The following ZCCHC24 variants were observed in gnomAD, a reference collection of about 807,000 sequenced individuals.
ZCCHC24 encodes the protein zinc finger CCHC domain-containing protein 24.
A neutral mutation model predicts 26.2 loss-of-function variants in ZCCHC24; 10 were observed. The ratio of observed to expected loss-of-function variants is 0.38; its 90% CI spans 0.24 to 0.65. ZCCHC24 has a LOEUF of 0.65. Ranked by LOEUF, ZCCHC24 falls within the 30% of genes least tolerant of loss-of-function variation. The pLI is 0.54. For synonymous variants in ZCCHC24, 144 were observed against 147.1 expected, an observed-to-expected ratio of 0.98 and a Z score of 0.15; for missense variants, 243 against 329.1, an observed-to-expected ratio of 0.74 and a Z score of 2.03.
intron 3 of ZCCHC24, among the ~76,000 whole-genome samples, chr10:79,391,585 A>C (rs1856479095): frequency 6.6e-6 from 1 of 151,826 alleles, no homozygotes; most frequent in South Asian, 2.1e-4. Context: ...GCCCCCATAC[A>C]TCTGAGGCCC....
At chr10:79,444,647 G>C (rs553629158) in intron 1 of ZCCHC24, among the ~76,000 whole-genome samples, 6 of 152,324 alleles carry the variant, frequency 3.9e-5, no homozygotes. Context: ...CCCCGAGTGA[G>C]AACAGCAGGA....
At chr10:79,396,364 A>G (rs1464101298) in intron 2 of ZCCHC24, among the ~76,000 whole-genome samples, 5 of 152,162 alleles carry the variant, frequency 3.3e-5, no homozygotes, top group Non-Finnish European at 7.3e-5. Flanking sequence ...TTACCCTAAT[A>G]TTTGCAAATG....
rs373110200 is a variant in ZCCHC24, at chr10:79,423,591, A to ATTTTATATATATACTATATATATATTT, written c.447+8966_447+8967insAAATATATATATAGTATATATATAAAA. Among the ~76,000 whole-genome samples, 5 of 49,656 alleles carry ATTTTATATATATACTATATATATATTT rather than the reference A, an allele frequency of 1.0e-4. 1 individual carries two copies. The highest frequency in any genetic ancestry group is 2.3e-4 in the Non-Finnish European group (5 of 21,752). 32.6% of individuals were successfully genotyped at this position (49,656 alleles called of 152,430 possible). On this transcript the variant is annotated intron_variant, in intron 2 of 3. Transcript: ENST00000372336. ...AACAAAATATATATACTATATATAT[A>ATTTTATATATATACTATATATATATTT]TATATATATATATATATATTTTCTG...
intron 3 of ZCCHC24, among the ~76,000 whole-genome samples, chr10:79,393,741 A>G (rs1288987083): frequency 2.6e-5 from 4 of 151,992 alleles, no homozygotes; most frequent in East Asian, 3.9e-4. Flanking sequence ...AAGTCCTTAC[A>G]GCCTCAGGGC....
chr10:79,434,979 A>T (rs1857195493), intron 1 of ZCCHC24, among the ~76,000 whole-genome samples: 1 of 151,928 alleles, frequency 6.6e-6, no homozygotes, highest in Non-Finnish European at 1.5e-5. Flanking sequence ...GCCTTGGAGC[A>T]CCTGGACTTC....
rs545326937 is a variant in ZCCHC24 at position 79,426,215 on chromosome 10, A to C, written c.447+6343T>G. On this transcript the variant is annotated intron_variant, in intron 2 of 3. Coordinates refer to ENST00000372336, the MANE Select transcript of ZCCHC24 (RefSeq NM_153367.4). ...GGCTCCCGTGGCAGTGAATGCTTTA[A>C]GCTTGCTTTCACTGTTGCCCTCCTC... Among the ~76,000 whole-genome samples the C allele has an allele frequency of 5.9e-5, 9 of 152,320 alleles. No homozygotes were observed. In the East Asian group the frequency reaches 1.7e-3, roughly 29 times the overall value.
At position 79,444,472 on chromosome 10, in the gene ZCCHC24, C is replaced by T. The variant is rs1416753279; in HGVS notation, c.246+723G>A. Among the ~76,000 whole-genome samples the T allele has an allele frequency of 9.3e-5, 10 of 107,462 alleles. No homozygotes were observed. In the East Asian group the frequency reaches 2.3e-3, roughly 24 times the overall value. 70.5% of individuals were successfully genotyped at this position (107,462 alleles called of 152,430 possible). ...AAGGCGCTGGGCAGCTGGAACCTCTCCCCCCCCCTTTCTAGCCCCCCTCCC... is the reference window on the plus strand; with the variant it reads ...AAGGCGCTGGGCAGCTGGAACCTCTTCCCCCCCCTTTCTAGCCCCCCTCCC... On this transcript the variant is annotated intron_variant, in intron 1 of 3. Coordinates refer to ENST00000372336, the MANE Select transcript of ZCCHC24 (RefSeq NM_153367.4).
intron 2 of ZCCHC24, among the ~76,000 whole-genome samples, chr10:79,399,803 A>T (rs1386741103): frequency 2.6e-5 from 4 of 152,186 alleles, no homozygotes; most frequent in African/African-American, 9.6e-5. Context: ...GCTTCGGAAG[A>T]GATGTGGAGG....
intron 1 of ZCCHC24, among the ~76,000 whole-genome samples, chr10:79,434,022 C>A (rs1470974722): frequency 6.6e-6 from 1 of 152,236 alleles, no homozygotes; most frequent in Non-Finnish European, 1.5e-5. Flanking sequence ...ATCTGCCACT[C>A]CCCTCCTAGA....
At chr10:79,410,736 G>A (rs1172428548) in intron 2 of ZCCHC24, among the ~76,000 whole-genome samples, 1 of 151,528 alleles carries the variant, frequency 6.6e-6, no homozygotes, top group Admixed American at 6.6e-5. Flanking sequence ...CAGAGGGGTT[G>A]GACATGGGGG....
intron 1 of ZCCHC24, among the ~76,000 whole-genome samples, chr10:79,440,491 G>A (rs2132225457): frequency 6.6e-6 from 1 of 152,326 alleles, no homozygotes; most frequent in South Asian, 2.1e-4. Flanking sequence ...CCGTCCAGAC[G>A]GATTGCTGCC....
chr10:79,423,624 TG>T (rs1856985812), intron 2 of ZCCHC24, among the ~76,000 whole-genome samples: 1 of 94,354 alleles, frequency 1.1e-5, no homozygotes, highest in Non-Finnish European at 2.4e-5. Flanking sequence ...CTGACTGCAT[TG>T]GTGTAAACAC....
intron 2 of ZCCHC24, among the ~76,000 whole-genome samples, chr10:79,405,927 G>C (rs545042771): frequency 6.6e-6 from 1 of 152,372 alleles, no homozygotes; most frequent in South Asian, 2.1e-4. Flanking sequence ...AGAGGCTGTG[G>C]GCGTGACTTC....
chr10:79,408,363 T>C (rs547714075), intron 2 of ZCCHC24, among the ~76,000 whole-genome samples: 2 of 152,178 alleles, frequency 1.3e-5, no homozygotes, highest in Admixed American at 6.5e-5. Flanking sequence ...CTGGCATGTA[T>C]CTGACCAGCT....
rs544735821 is a variant in ZCCHC24, at chr10:79,419,971, C to T, written c.447+12587G>A. 2.0e-5 allele frequency among the ~76,000 whole-genome samples: 3 copies of T among 152,104 alleles called. No homozygotes were observed. The East Asian group carries it at 5.8e-4, about 29-fold the overall frequency. On this transcript the variant is annotated intron_variant, in intron 2 of 3. Coordinates refer to ENST00000372336, the MANE Select transcript of ZCCHC24 (RefSeq NM_153367.4). ...CTGGCAGCTGAGGATGTGAAACTGG[C>T]CCTCCTAGGCTCTTTCCTGCCAGGC...
chr10:79,412,783 C>T (rs558982782), intron 2 of ZCCHC24, among the ~76,000 whole-genome samples: 10 of 152,314 alleles, frequency 6.6e-5, no homozygotes, highest in East Asian at 3.9e-4. Context: ...GCAAGAGCTT[C>T]GACAAGTTTC....
At chr10:79,397,504 T>C (rs1856561967) in intron 2 of ZCCHC24, among the ~76,000 whole-genome samples, 2 of 152,202 alleles carry the variant, frequency 1.3e-5, no homozygotes. Flanking sequence ...CTGTGACTTC[T>C]AAGCCACCCC....
intron 2 of ZCCHC24, among the ~76,000 whole-genome samples, chr10:79,419,166 C>A (rs1856906985): frequency 1.3e-5 from 2 of 152,198 alleles, no homozygotes; most frequent in African/African-American, 4.8e-5. Context: ...CTCCCTCACA[C>A]CAACCCTCCC....
At chr10:79,409,613 G>C (rs1402640548) in intron 2 of ZCCHC24, among the ~76,000 whole-genome samples, 1 of 151,842 alleles carries the variant, frequency 6.6e-6, no homozygotes, top group Non-Finnish European at 1.5e-5. Flanking sequence ...ATCTGGAAGA[G>C]AAAGCCAGAG....
Sources: allele counts gnomAD v4.1 joint callset (sites outside exome capture counted in the v4.1 genomes callset), GRCh38; gene constraint gnomAD v4.1.1; transcripts MANE v1.5; gene names NCBI Gene and HGNC (gene_info 2026-07-23, HGNC 2026-07-21).